Variants in LMNB1 observed in about 807,000 individuals in gnomAD.
LMNB1 encodes the protein lamin-B1.
LMNB1 carries 23 observed loss-of-function variants against 67.1 expected under a neutral mutation model. The observed-to-expected ratio is 0.34, with a 90% CI of 0.25 to 0.49. The LOEUF is 0.49. Ranked by LOEUF, LMNB1 falls within the 20% of genes least tolerant of loss-of-function variation. LMNB1 has a pLI of 0.99. For synonymous variants in LMNB1, 281 were observed against 282.9 expected (o/e 0.99, Z 0.07); for missense variants, 634 against 746.5 (o/e 0.85, Z 1.76).
chr5:126,779,866 A>G (rs1046669601), intron 1 of LMNB1, among the ~76,000 whole-genome samples: 10 of 152,222 alleles, frequency 6.6e-5, no homozygotes, highest in African/African-American at 9.6e-5. Context: ...CCCCGTCTCT[A>G]CTAAAAATAC....
At chr5:126,803,489 C>T (rs1388714492) in intron 1 of LMNB1, among the ~76,000 whole-genome samples, 2 of 151,994 alleles carry the variant, frequency 1.3e-5, no homozygotes, top group African/African-American at 2.4e-5. Flanking sequence ...ATCAGGTGAT[C>T]CGCCCACCTC....
chr5:126,824,913 C>T (rs1751960406), intron 8 of LMNB1, among the ~76,000 whole-genome samples: 1 of 126,206 alleles, frequency 7.9e-6, no homozygotes, highest in Non-Finnish European at 1.6e-5. Flanking sequence ...GTTTTAAACT[C>T]CTTAGCTCAA....
intron 1 of LMNB1, among the ~76,000 whole-genome samples, chr5:126,778,539 G>A (rs1227325047): frequency 6.6e-6 from 1 of 152,182 alleles, no homozygotes; most frequent in Non-Finnish European, 1.5e-5. Context: ...CCAGCCCCGG[G>A]CAAGTTAGGT....
intron 5 of LMNB1, 55 bp from the exon 6 acceptor site, chr5:126,818,867 T>G: frequency 8.3e-7 from 1 of 1,209,400 alleles, no homozygotes; most frequent in South Asian, 1.2e-5. Context: ...AATAGCTGCC[T>G]GGTGCTAATG....
intron 5 of LMNB1, among the ~76,000 whole-genome samples, chr5:126,818,252 T>G (rs988342756): frequency 6.6e-6 from 1 of 151,394 alleles, no homozygotes; most frequent in African/African-American, 2.4e-5. Flanking sequence ...TTTTTTTTTT[T>G]TTTTGAGACA....
chr5:126,802,906 C>T (rs973745858), intron 1 of LMNB1, among the ~76,000 whole-genome samples: 17 of 151,830 alleles, frequency 1.1e-4, no homozygotes, highest in Non-Finnish European at 1.5e-4. Context: ...ATTTAGAGGC[C>T]GGGTGCAGCA....
At chr5:126,834,833 G>A (rs971565210) in intron 10 of LMNB1, among the ~76,000 whole-genome samples, 1 of 152,182 alleles carries the variant, frequency 6.6e-6, no homozygotes, top group Non-Finnish European at 1.5e-5. Context: ...CTGAGATGGC[G>A]CCACTGCACT....
intron 6 of LMNB1, 133 bp downstream of exon 6, chr5:126,819,275 AAGT>A (rs1751801699): frequency 3.3e-6 from 2 of 611,258 alleles, no homozygotes; most frequent in African/African-American, 3.7e-5. Context: ...CTAGGTATAG[AAGT>A]AGTAATAGAT....
chr5:126,801,756 C>T (rs1014141309), intron 1 of LMNB1, among the ~76,000 whole-genome samples: 96 of 152,288 alleles, frequency 6.3e-4, no homozygotes, highest in African/African-American at 2.2e-3. Flanking sequence ...CCATTTTGGT[C>T]CCTGGAAGGC....
chr5:126,784,218 G>C (rs543830530), intron 1 of LMNB1, among the ~76,000 whole-genome samples: 50 of 151,226 alleles, frequency 3.3e-4, no homozygotes, highest in African/African-American at 1.1e-3. Context: ...TAATAGACTT[G>C]GGGTTTTTCC....
At chr5:126,782,165 T>C (rs1750649485) in intron 1 of LMNB1, among the ~76,000 whole-genome samples, 1 of 152,200 alleles carries the variant, frequency 6.6e-6, no homozygotes, top group Non-Finnish European at 1.5e-5. Flanking sequence ...TAACAGAAAG[T>C]TAAGTGTTTA....
At chr5:126,795,727 C>T (rs573028141) in intron 1 of LMNB1, among the ~76,000 whole-genome samples, 1 of 151,354 alleles carries the variant, frequency 6.6e-6, no homozygotes, top group Non-Finnish European at 1.5e-5. Context: ...CGGGTTCAAG[C>T]GATTCTCCTG....
intron 1 of LMNB1, among the ~76,000 whole-genome samples, chr5:126,787,546 A>ATATATATATATATATATTTTTTTTTTTTT: frequency 6.1e-5 from 4 of 65,578 alleles, no homozygotes; most frequent in Admixed American, 2.2e-4. Context: ...ATATATATAT[A>ATATATATATATATATATTTTTTTTTTTTT]TTTTTTTTTT....
intron 1 of LMNB1, among the ~76,000 whole-genome samples, chr5:126,804,129 G>C (rs1242802201): frequency 6.6e-6 from 1 of 151,326 alleles, no homozygotes; most frequent in African/African-American, 2.4e-5. Context: ...CTGCAGTACA[G>C]TTGTGCAGTC....
At chr5:126,787,550 T>TATTTTTA (rs1750840196) in intron 1 of LMNB1, among the ~76,000 whole-genome samples, 1 of 86,986 alleles carries the variant, frequency 1.1e-5, no homozygotes, top group Non-Finnish European at 2.4e-5. Context: ...ATATATATTT[T>TATTTTTA]TTTTTTTTTT....
At chr5:126,783,964 T>C (rs1200103806) in intron 1 of LMNB1, among the ~76,000 whole-genome samples, 1 of 151,876 alleles carries the variant, frequency 6.6e-6, no homozygotes, top group African/African-American at 2.4e-5. Flanking sequence ...TTTAAACCCT[T>C]TTTACAGTGT....
chr5:126,800,093 C>T (rs1450219936), intron 1 of LMNB1, among the ~76,000 whole-genome samples: 1 of 152,162 alleles, frequency 6.6e-6, no homozygotes, highest in Non-Finnish European at 1.5e-5. Context: ...AAATTGTAAG[C>T]ACTGCTTTCC....
rs74362780 is a variant in LMNB1, at chr5:126,777,787, C to G, written c.279C>G (p.Leu93=). The change falls in exon 1 of 11, where the codon CTC becomes CTG. Residue 93 remains leucine (L), a synonymous_variant. Transcript: ENST00000261366. ...AGCTGGCCGACGCGCGACGCGCGCT[C>G]GACGACACGGCCCGCGAGCGCGCCA... The part of the protein sequence containing the change: ...ETELADARRA[L]DDTARERAKL... 2.2e-5 allele frequency: 33 copies of G among 1,506,030 alleles called. No individual in the cohort carries two copies. The highest frequency in any genetic ancestry group is 2.8e-5 in the Non-Finnish European group (32 of 1,124,698). 93.3% of individuals were successfully genotyped at this position (1,506,030 alleles called of 1,614,324 possible).
At chr5:126,795,572 C>A (rs1751067559) in intron 1 of LMNB1, among the ~76,000 whole-genome samples, 1 of 152,036 alleles carries the variant, frequency 6.6e-6, no homozygotes, top group South Asian at 2.1e-4. Context: ...TCTAAGAGTT[C>A]CATTGAGGGT....
Sources: gnomAD v4.1 joint callset for allele counts (sites outside exome capture counted in the v4.1 genomes callset) on GRCh38, gnomAD v4.1.1 for gene constraint, MANE v1.5 for transcripts, NCBI Gene and HGNC (gene_info 2026-07-23, HGNC 2026-07-21) for gene names.